Variants in USP12 observed in about 807,000 individuals in gnomAD.
USP12 encodes ubiquitin carboxyl-terminal hydrolase 12.
In USP12, 19 loss-of-function variants were observed where a neutral mutation model predicts 45.5. That is an observed-to-expected ratio of 0.42 (90% CI 0.29 to 0.61). The LOEUF is 0.61. USP12 is among the 20% of genes least tolerant of loss of function. The pLI is 0.22. For missense variants in USP12, 242 were observed against 447.7 expected, an observed-to-expected ratio of 0.54 and a Z score of 4.15; for synonymous variants, 149 against 148.8, an observed-to-expected ratio of 1.00 and a Z score of -0.01.
intron 1 of USP12, among the ~76,000 whole-genome samples, chr13:27,152,769 C>T (rs895378918): frequency 5.3e-5 from 8 of 151,720 alleles, no homozygotes; most frequent in Admixed American, 5.3e-4. Context: ...GGTGAAACCC[C>T]GTCTCTACTA....
intron 2 of USP12, among the ~76,000 whole-genome samples, chr13:27,108,929 A>G (rs1056783323): frequency 6.6e-6 from 1 of 152,212 alleles, no homozygotes; most frequent in Non-Finnish European, 1.5e-5. Flanking sequence ...CGACAGAATG[A>G]GACTTTCTCC....
intron 1 of USP12, among the ~76,000 whole-genome samples, chr13:27,156,080 T>A (rs779535682): frequency 3.0e-4 from 45 of 152,168 alleles, no homozygotes; most frequent in Non-Finnish European, 5.4e-4. Context: ...GGTAAAAAGC[T>A]GCCAGCAGCT....
At chr13:27,100,642 A>C (rs573020378) in intron 3 of USP12, among the ~76,000 whole-genome samples, 1 of 152,254 alleles carries the variant, frequency 6.6e-6, no homozygotes, top group South Asian at 2.1e-4. Context: ...AAGAACCTTT[A>C]TCTCTCACTC....
intron 6 of USP12, among the ~76,000 whole-genome samples, chr13:27,086,986 C>A (rs528876036): frequency 6.6e-6 from 1 of 152,286 alleles, no homozygotes; most frequent in South Asian, 2.1e-4. Flanking sequence ...ACTTAAAAAT[C>A]TGAGCTCTTC....
chr13:27,099,275 T>C (rs139954776), intron 3 of USP12, among the ~76,000 whole-genome samples: 1 of 152,002 alleles, frequency 6.6e-6, no homozygotes, highest in East Asian at 1.9e-4. Context: ...CATGTATTAT[T>C]TGCATGCTTA....
At chr13:27,146,227 C>A (rs1877300891) in intron 1 of USP12, among the ~76,000 whole-genome samples, 1 of 152,188 alleles carries the variant, frequency 6.6e-6, no homozygotes, top group East Asian at 1.9e-4. Context: ...CATGGTGAAA[C>A]CCTGTGTCTA....
intron 1 of USP12, among the ~76,000 whole-genome samples, chr13:27,136,572 G>A (rs540253095): frequency 6.6e-5 from 10 of 152,280 alleles, no homozygotes; most frequent in African/African-American, 2.4e-4. Flanking sequence ...TCAATGGAGA[G>A]AATAGATAGG....
At chr13:27,112,953 G>A (rs1875527180) in intron 2 of USP12, among the ~76,000 whole-genome samples, 1 of 152,160 alleles carries the variant, frequency 6.6e-6, no homozygotes, top group African/African-American at 2.4e-5. Context: ...AAATACTGAG[G>A]CTAGGCACAA....
chr13:27,163,768 T>TAAAAAAAAAAAAAAAAAAAAAAAAA (rs34384911), intron 1 of USP12, among the ~76,000 whole-genome samples: 1 of 83,298 alleles, frequency 1.2e-5, no homozygotes, highest in Non-Finnish European at 2.3e-5. Flanking sequence ...AGACCTGTCT[T>TAAAAAAAAAAAAAAAAAAAAAAAAA]AAAAAAAAAA....
Position 27,095,638 on chromosome 13 carries a change from G to A in USP12, c.536C>T (p.Thr179Ile). The A allele has an allele frequency of 6.2e-7, 1 of 1,610,052 alleles. No homozygotes were observed. Among genetic ancestry groups the A allele is most frequent in the Non-Finnish European group, 8.5e-7 (1 of 1,178,586 alleles). ...AAGACATCTGGTTTCATTAGTTAAT[G>A]TTCCCTGAAAAATCTCATGAACCCA... ...PTWVHEIFQG[T>I]LTNETRCLTC... is the part of the protein sequence containing the mutation. Residue 179 changes from threonine (T) to isoleucine (I), a missense_variant, in exon 4 of 9, where the codon ACA (threonine) becomes ATA (isoleucine). Coordinates refer to ENST00000282344, the MANE Select transcript of USP12 (RefSeq NM_182488.4).
chr13:27,108,848 C>T (rs1192109855), intron 2 of USP12, among the ~76,000 whole-genome samples: 1 of 152,158 alleles, frequency 6.6e-6, no homozygotes, highest in Non-Finnish European at 1.5e-5. Flanking sequence ...ATCCCAGCTA[C>T]TCAGGAAGCT....
At chr13:27,112,370 C>T (rs529765434) in intron 2 of USP12, among the ~76,000 whole-genome samples, 25 of 151,430 alleles carry the variant, frequency 1.7e-4, no homozygotes, top group African/African-American at 5.8e-4. Context: ...ACTGCAGCCT[C>T]AACCTCCTGG....
In USP12 at chr13:27,171,510, G is replaced by A. The variant is rs578206894; in HGVS notation, c.48+82C>T. 1.0e-5 allele frequency: 6 copies of A among 595,172 alleles called. No individual in the cohort carries two copies. The South Asian group carries it at 1.8e-4, about 18-fold the overall frequency. The allele number at this position is 595,172 out of a possible 1,614,324, so 36.9% of individuals were successfully genotyped here. A position where few individuals can be genotyped will look rare whatever the true frequency, so the allele number is the denominator to read the frequency against. Reference sequence around the variant, plus strand: ...GCCCCGGCGCTAGGCCCCGCGAGCGGCCACTGGGAGAGGCGGGTCCAGCGC... The same window carrying A: ...GCCCCGGCGCTAGGCCCCGCGAGCGACCACTGGGAGAGGCGGGTCCAGCGC... On this transcript the variant is annotated intron_variant, in intron 1 of 8. Coordinates refer to ENST00000282344, the MANE Select transcript of USP12 (RefSeq NM_182488.4).
chr13:27,075,449 A>T, intron 6 of USP12, 61 bp from the exon 7 acceptor site: 1 of 1,443,710 alleles, frequency 6.9e-7, no homozygotes, highest in Non-Finnish European at 9.5e-7. Flanking sequence ...TCCTTGAATT[A>T]TCAAACTTTA....
At chr13:27,130,082 C>G (rs747608165) in intron 1 of USP12, among the ~76,000 whole-genome samples, 3 of 152,204 alleles carry the variant, frequency 2.0e-5, no homozygotes, top group Non-Finnish European at 2.9e-5. Context: ...AGCTACTATT[C>G]CCTACTCCTC....
At chr13:27,072,549 G>A (rs1474293160) in intron 7 of USP12, among the ~76,000 whole-genome samples, 1 of 152,154 alleles carries the variant, frequency 6.6e-6, no homozygotes, top group Admixed American at 6.5e-5. Context: ...ACTATTGATT[G>A]CTGTGGAGAT....
chr13:27,158,904 A>G, intron 1 of USP12, among the ~76,000 whole-genome samples: 1 of 152,248 alleles, frequency 6.6e-6, no homozygotes, highest in African/African-American at 2.4e-5. Flanking sequence ...TGTTAGGTGA[A>G]AAAGCAAATA....
At chr13:27,108,907 C>T (rs1875284612) in intron 2 of USP12, among the ~76,000 whole-genome samples, 1 of 152,154 alleles carries the variant, frequency 6.6e-6, no homozygotes. Context: ...TACCACTGTA[C>T]TCGGGCTTGG....
At chr13:27,145,021 C>T (rs928103633) in intron 1 of USP12, among the ~76,000 whole-genome samples, 2 of 152,138 alleles carry the variant, frequency 1.3e-5, no homozygotes, top group Non-Finnish European at 2.9e-5. Context: ...GAGCCACGAT[C>T]GCACCACTGC....
Sources: gnomAD v4.1 joint callset for allele counts (sites outside exome capture counted in the v4.1 genomes callset) on GRCh38, gnomAD v4.1.1 for gene constraint, MANE v1.5 for transcripts, NCBI Gene and HGNC (gene_info 2026-07-23, HGNC 2026-07-21) for gene names.